SEC14L1: variants seen among roughly 807,000 people sequenced by gnomAD.
The protein encoded by SEC14L1 is SEC14 like lipid binding 1.
Under a neutral mutation model 85.3 loss-of-function variants are expected in SEC14L1, and 48 were observed. The observed-to-expected ratio is 0.56, with a 90% CI of 0.45 to 0.72. SEC14L1 has a LOEUF of 0.72. Among genes scored for constraint, SEC14L1 ranks in the 30% least tolerant of loss-of-function variants. SEC14L1 has a pLI of 0.00. For missense variants in SEC14L1, 682 were observed against 921.4 expected, an observed-to-expected ratio of 0.74 and a Z score of 3.36; for synonymous variants, 391 against 355.5, an observed-to-expected ratio of 1.10 and a Z score of -1.12.
At chr17:77,185,910 C>T (rs1284369539) in intron 3 of SEC14L1, among the ~76,000 whole-genome samples, 1 of 152,068 alleles carries the variant, frequency 6.6e-6, no homozygotes, top group African/African-American at 2.4e-5. Flanking sequence ...TATGAAGAGA[C>T]AGATACTGAG....
At chr17:77,179,820 G>A (rs1039334684) in intron 3 of SEC14L1, among the ~76,000 whole-genome samples, 21 of 150,952 alleles carry the variant, frequency 1.4e-4, no homozygotes, top group African/African-American at 3.9e-4. Context: ...GACTACAGGC[G>A]CCCGCCACCA....
At chr17:77,207,493 A>C (rs1226546375) in intron 13 of SEC14L1, among the ~76,000 whole-genome samples, 3 of 150,298 alleles carry the variant, frequency 2.0e-5, no homozygotes, top group Admixed American at 1.3e-4. Context: ...GCTCTGTTGC[A>C]CAGGCTGGAG....
intron 3 of SEC14L1, chr17:77,144,574 T>TA (rs1273766424): frequency 6.6e-6 from 1 of 152,250 alleles, no homozygotes; most frequent in East Asian, 1.9e-4. Flanking sequence ...GAAGTCCTCT[T>TA]ACGGGAAGAA....
rs372254570 is a variant in SEC14L1 at position 77,213,511 on chromosome 17, C to T, written c.2042+19C>T. 8 of 1,603,400 alleles carry T rather than the reference C, an allele frequency of 5.0e-6. No individual in the cohort carries two copies. The African/African-American group carries it at 9.3e-5, about 19-fold the overall frequency. On this transcript the variant is annotated intron_variant, in intron 16 of 16. Transcript: ENST00000436233. The surrounding 1 kb of genome is among the most constrained non-coding windows in gnomAD (Gnocchi z 7.1). ...ATTTCAGGTGCGGCCACCCTCGCCA[C>T]AGCAGGTGCTGCGGACAGCTGGGCA... is the stretch of plus-strand genomic sequence containing the variant.
At chr17:77,145,791 G>A (rs944448614) in intron 3 of SEC14L1, among the ~76,000 whole-genome samples, 2 of 152,130 alleles carry the variant, frequency 1.3e-5, no homozygotes, top group Non-Finnish European at 2.9e-5. Flanking sequence ...GCTGCTCTGG[G>A]GGCCTCAGCC....
chr17:77,212,047 C>T lies in SEC14L1; in HGVS notation c.1709C>T (p.Ser570Leu), dbSNP rs373923048. The change falls in exon 15 of 17, where the codon TCG becomes TTG. Residue 570 changes from serine (S) to leucine (L), a missense_variant. This residue lies in a region of SEC14L1 where 420 missense variants were observed against 619.5 expected (regional missense o/e 0.68). Transcript: ENST00000436233. ...TTTAACATCTATCACTCCAAGAGGT[C>T]GCCACAACCACCCAAAAAGGACTCC... ...IVFNIYHSKR[S>L]PQPPKKDSLG... The T allele has an allele frequency of 6.2e-6, 10 of 1,614,016 alleles. No homozygotes were observed. Among genetic ancestry groups the T allele is most frequent in the South Asian group, 2.2e-5 (2 of 91,090 alleles).
chr17:77,204,123 A>G (rs924719203), intron 10 of SEC14L1, among the ~76,000 whole-genome samples: 11 of 152,162 alleles, frequency 7.2e-5, no homozygotes, highest in African/African-American at 1.2e-4. Context: ...TCCCCCTCCC[A>G]GAGAAGAAGA....
At chr17:77,140,506 CGACCAGAGGCAGGCCTCA>C (rs1168836634), upstream of SEC14L1, among the ~76,000 whole-genome samples, 3 of 152,246 alleles carry the variant, frequency 2.0e-5, no homozygotes, top group Non-Finnish European at 2.9e-5. Context: ...GCCGCCAGGG[CGACCAGAGGCAGGCCTCA>C]GAGCAGCAGC....
chr17:77,208,300 G>A (rs1387293525), intron 13 of SEC14L1, among the ~76,000 whole-genome samples: 1 of 152,226 alleles, frequency 6.6e-6, no homozygotes, highest in Non-Finnish European at 1.5e-5. Context: ...AAGCGCCTAT[G>A]AGGTTAAACC....
At chr17:77,105,391 C>T (rs926740416) in intron 3 of SEC14L1, among the ~76,000 whole-genome samples, 5 of 126,188 alleles carry the variant, frequency 4.0e-5, no homozygotes, top group Non-Finnish European at 8.2e-5. Flanking sequence ...CCCCACCCCA[C>T]GTAAAAAGAG....
At chr17:77,135,695 C>G (rs2143465670) in intron 3 of SEC14L1, among the ~76,000 whole-genome samples, 1 of 152,036 alleles carries the variant, frequency 6.6e-6, no homozygotes, top group South Asian at 2.1e-4. Flanking sequence ...TACCACCATG[C>G]CTGGCTAATT....
chr17:77,194,525 C>G (rs1326468566), intron 6 of SEC14L1, 152 bp from the exon 7 acceptor site: 1 of 635,962 alleles, frequency 1.6e-6, no homozygotes, highest in East Asian at 2.7e-5. Flanking sequence ...GTGCTTTAGC[C>G]TGGGCCACAA....
intron 3 of SEC14L1, chr17:77,152,554 A>G (rs1973609875): frequency 7.3e-6 from 1 of 136,898 alleles, no homozygotes; most frequent in African/African-American, 2.7e-5. Context: ...AAAAAAAAAA[A>G]TGGAAATGGC....
chr17:77,191,460 A>C (rs1004735588), intron 5 of SEC14L1, 148 bp downstream of exon 5: 18 of 892,426 alleles, frequency 2.0e-5, no homozygotes, highest in Non-Finnish European at 3.0e-5. Flanking sequence ...TGTAGGAGGA[A>C]GGGTAGCAGG....
chr17:77,166,904 TGGGAAGCTGATTA>T (rs1185729263), intron 3 of SEC14L1, among the ~76,000 whole-genome samples: 1 of 152,148 alleles, frequency 6.6e-6, no homozygotes, highest in African/African-American at 2.4e-5. Flanking sequence ...CAGTAATCTT[TGGGAAGCTGATTA>T]GGGTGCATGC....
chr17:77,113,656 G>A (rs1447892453), intron 3 of SEC14L1, among the ~76,000 whole-genome samples: 2 of 152,158 alleles, frequency 1.3e-5, no homozygotes, highest in Non-Finnish European at 2.9e-5. Context: ...TGAGGCACGA[G>A]AATTGCTTGA....
chr17:77,187,950 G>A (rs1975345703), intron 3 of SEC14L1, among the ~76,000 whole-genome samples: 1 of 151,996 alleles, frequency 6.6e-6, no homozygotes. Context: ...ATGCTATGTT[G>A]CCTAGGCTGG....
chr17:77,211,654 T>G, intron 14 of SEC14L1: 1 of 417,966 alleles, frequency 2.4e-6, no homozygotes, highest in Non-Finnish European at 4.4e-6. Context: ...CAGTGTTTGG[T>G]GTTTCTAAGA....
intron 9 of SEC14L1, among the ~76,000 whole-genome samples, chr17:77,201,269 C>T (rs568478744): frequency 6.6e-6 from 1 of 152,282 alleles, no homozygotes; most frequent in East Asian, 1.9e-4. Context: ...CTTTCCTGAG[C>T]CAAAGTTTGA....
Sources: allele counts gnomAD v4.1 joint callset (sites outside exome capture counted in the v4.1 genomes callset), GRCh38; gene constraint gnomAD v4.1.1; regional missense constraint gnomAD v4.1.1; non-coding constraint Gnocchi (gnomAD v3.1); transcripts MANE v1.5; gene names NCBI Gene and HGNC (gene_info 2026-07-23, HGNC 2026-07-21).